The following CNGB3 variants were observed in gnomAD, a reference collection of about 807,000 sequenced individuals.
CNGB3 encodes the protein cyclic nucleotide-gated channel beta-3.
Under a neutral mutation model 92.8 loss-of-function variants are expected in CNGB3, and 86 were observed. The ratio of observed to expected loss-of-function variants is 0.93; its 90% CI spans 0.78 to 1.11. The LOEUF is 1.11. CNGB3 is among the 50% of genes least tolerant of loss of function. The probability of loss-of-function intolerance (pLI) is 0.00; values close to 1 mark genes in which losing one functional copy is unlikely to be tolerated. For missense variants in CNGB3, 1,026 were observed against 956.8 expected (o/e 1.07, Z -0.95); for synonymous variants, 333 against 332.7 (o/e 1.00, Z -0.01).
intron 15 of CNGB3, among the ~76,000 whole-genome samples, chr8:86,592,232 C>T (rs2131547795): frequency 6.6e-6 from 1 of 152,296 alleles, no homozygotes; most frequent in Non-Finnish European, 1.5e-5. Flanking sequence ...TGACCTGTGC[C>T]CACTGTCTGG....
chr8:86,658,066 T>G, intron 6 of CNGB3: 1 of 529,896 alleles, frequency 1.9e-6, no homozygotes, highest in Non-Finnish European at 3.6e-6. Flanking sequence ...CTGCAGCTTC[T>G]CCATGGCCCC....
intron 2 of CNGB3, among the ~76,000 whole-genome samples, chr8:86,736,862 TTAAG>T (rs1357128243): frequency 9.2e-5 from 14 of 152,210 alleles, no homozygotes. Context: ...TTTAGGATTA[TTAAG>T]TGTTTTCCTC....
At chr8:86,616,603 G>T (rs1449728238) in intron 13 of CNGB3, among the ~76,000 whole-genome samples, 5 of 152,120 alleles carry the variant, frequency 3.3e-5, no homozygotes, top group Admixed American at 6.6e-5. Flanking sequence ...TGTATGAAAA[G>T]ACAGGATTGC....
intron 3 of CNGB3, among the ~76,000 whole-genome samples, chr8:86,697,995 T>A (rs959112614): frequency 1.3e-5 from 2 of 152,316 alleles, no homozygotes; most frequent in African/African-American, 4.8e-5. Context: ...GGCTGTATAG[T>A]ATTCCATGGT....
At chr8:86,676,201 CT>C (rs1377507730) in intron 3 of CNGB3, among the ~76,000 whole-genome samples, 2 of 152,096 alleles carry the variant, frequency 1.3e-5, no homozygotes, top group African/African-American at 2.4e-5. Context: ...TTTAAGATGG[CT>C]GCTTTAGTAT....
Position 86,726,570 on chromosome 8 carries a change from T to C in CNGB3, c.299A>G (p.Glu100Gly). Residue 100 changes from glutamate to glycine, a missense_variant, in exon 3 of 18, where the codon GAG becomes GGG. Transcript: ENST00000320005. ...NAAEPTGTVP[E>G]QKEMDPGKEG... ...TTTCCCGGGGTCCATTTCCTTCTGC[T>C]CTGGCACTGTTCCAGTTGGTTCTGC... 6.2e-7 allele frequency: 1 copy of C among 1,613,950 alleles called. No homozygotes were observed. Among genetic ancestry groups the C allele is most frequent in the Non-Finnish European group, 8.5e-7 (1 of 1,179,826 alleles).
At chr8:86,735,086 T>C (rs1048298453) in intron 2 of CNGB3, among the ~76,000 whole-genome samples, 19 of 136,432 alleles carry the variant, frequency 1.4e-4, no homozygotes, top group Middle Eastern at 7.2e-3. Context: ...GTATACTGCC[T>C]TTACTATGAA....
Position 86,686,585 on chromosome 8 carries a change from A to G in CNGB3, c.339-15487T>C, listed in dbSNP as rs566790665. 2.6e-5 allele frequency among the ~76,000 whole-genome samples: 4 copies of G among 152,200 alleles called. No homozygotes were observed. The East Asian group carries it at 7.7e-4, about 29-fold the overall frequency. The stretch of plus-strand genomic sequence containing the variant: ...GAGATAATTGAAAGCAAAACTGTGT[A>G]AGAATCCTTTTGGAAACTGAAATCT... On this transcript the variant is annotated intron_variant, in intron 3 of 17. Coordinates refer to ENST00000320005, the MANE Select transcript of CNGB3 (RefSeq NM_019098.5).
chr8:86,704,083 C>A (rs1824607375), intron 3 of CNGB3: 1 of 152,190 alleles, frequency 6.6e-6, no homozygotes, highest in Admixed American at 6.5e-5. Context: ...TAATAGCCTA[C>A]TGTTGGCCAG....
At position 86,626,022 on chromosome 8, in the gene CNGB3, A is replaced by T. The variant is rs1031447172; in HGVS notation, c.1539T>A (p.Asp513Glu). The change falls in exon 13 of 18, where the codon GAT (aspartate) becomes GAA (glutamate). Residue 513 changes from aspartate (D) to glutamate (E), a missense_variant. Coordinates refer to ENST00000320005, the MANE Select transcript of CNGB3 (RefSeq NM_019098.5). ...CTTTGCTGATGATGCTGAAGTTCAC[A>T]TCAATGGCGAGGGCTAACTGGACCG... ...PTTVQLALAI[D>E]VNFSIISKVD... The T allele has an allele frequency of 1.9e-6, 3 of 1,613,892 alleles. No individual in the cohort carries two copies. Among genetic ancestry groups the T allele is most frequent in the South Asian group, 2.2e-5 (2 of 91,076 alleles).
chr8:86,697,237 T>G (rs1469443782), intron 3 of CNGB3, among the ~76,000 whole-genome samples: 1 of 152,182 alleles, frequency 6.6e-6, no homozygotes, highest in African/African-American at 2.4e-5. Context: ...TGCTTGCATT[T>G]GTTTTACTCT....
At chr8:86,585,932 C>T (rs1280674167) in intron 15 of CNGB3, among the ~76,000 whole-genome samples, 2 of 152,110 alleles carry the variant, frequency 1.3e-5, no homozygotes, top group Non-Finnish European at 2.9e-5. Context: ...CTTTGTTGCT[C>T]AGACATGATC....
intron 6 of CNGB3, among the ~76,000 whole-genome samples, chr8:86,664,956 CT>C (rs758694440): frequency 3.2e-4 from 49 of 152,146 alleles, no homozygotes; most frequent in Non-Finnish European, 5.9e-4. Context: ...ATCTTCTGTG[CT>C]GTCCACCAGA....
intron 3 of CNGB3, among the ~76,000 whole-genome samples, chr8:86,689,984 C>T (rs1184170094): frequency 2.0e-5 from 3 of 152,134 alleles, no homozygotes; most frequent in Non-Finnish European, 4.4e-5. Flanking sequence ...TGGGTTGGTT[C>T]CAAGTCTTTG....
chr8:86,657,426 A>T (rs1403630160), intron 6 of CNGB3: 1 of 501,044 alleles, frequency 2.0e-6, no homozygotes, highest in East Asian at 5.6e-5. Flanking sequence ...GCATGATAGA[A>T]AAATGGAATG....
At chr8:86,660,006 C>A in intron 6 of CNGB3, 1 of 348,444 alleles carries the variant, frequency 2.9e-6, no homozygotes, top group South Asian at 2.5e-5. Context: ...ATGTCAGCAT[C>A]ATGATTCTGA....
chr8:86,587,537 G>A (rs556594077), intron 15 of CNGB3, among the ~76,000 whole-genome samples: 1 of 152,204 alleles, frequency 6.6e-6, no homozygotes, highest in African/African-American at 2.4e-5. Context: ...AAGGGATCCA[G>A]TTTCAGCTTT....
At chr8:86,658,399 G>A (rs978021918) in intron 6 of CNGB3, 2 of 431,242 alleles carry the variant, frequency 4.6e-6, no homozygotes, top group African/African-American at 2.1e-5. Flanking sequence ...AGCTGGGCCT[G>A]TGGCTGCTAC....
chr8:86,643,637 C>T (rs1401343203), intron 10 of CNGB3, 114 bp downstream of exon 10: 3 of 1,121,678 alleles, frequency 2.7e-6, no homozygotes, highest in Admixed American at 1.8e-5. Flanking sequence ...ATAGCATTTA[C>T]CAGCCATTGA....
Sources: gnomAD v4.1 joint callset for allele counts (sites outside exome capture counted in the v4.1 genomes callset) on GRCh38, gnomAD v4.1.1 for gene constraint, MANE v1.5 for transcripts, NCBI Gene and HGNC (gene_info 2026-07-23, HGNC 2026-07-21) for gene names.